The following HERC3 variants were observed in gnomAD, a reference collection of about 807,000 sequenced individuals.
HERC3 encodes the protein HECT and RLD domain containing E3 ubiquitin protein ligase 3, also known as probable E3 ubiquitin-protein ligase HERC3.
A neutral mutation model predicts 129.9 loss-of-function variants in HERC3; 58 were observed. The observed-to-expected ratio is 0.45, with a 90% CI of 0.36 to 0.56. HERC3 has a LOEUF of 0.56. HERC3 is among the 20% of genes least tolerant of loss of function. The probability of loss-of-function intolerance (pLI) is 0.00; values close to 1 mark genes in which losing one functional copy is unlikely to be tolerated. For missense variants in HERC3, 835 were observed against 1,244.2 expected (o/e 0.67, Z 4.95); for synonymous variants, 430 against 451.0 (o/e 0.95, Z 0.59).
intron 3 of HERC3, among the ~76,000 whole-genome samples, chr4:88,628,055 T>C (rs1726326040): frequency 6.6e-6 from 1 of 152,180 alleles, no homozygotes; most frequent in Non-Finnish European, 1.5e-5. Flanking sequence ...TAAATGTCAA[T>C]TAGTTGAAGT....
the HERC3 span, among the ~76,000 whole-genome samples, chr4:88,543,831 A>G: frequency 2.1e-4 from 32 of 152,342 alleles, no homozygotes; most frequent in African/African-American, 6.7e-4. Context: ...AGGATTCCCT[A>G]TTTAATAAAT....
intron 23 of HERC3, chr4:88,696,898 C>G (rs541327818): frequency 9.8e-6 from 3 of 307,288 alleles, no homozygotes; most frequent in Non-Finnish European, 1.2e-5. Context: ...TTCTTTACTT[C>G]GCATCTGCTA....
chr4:88,631,310 C>A (rs973951799), intron 3 of HERC3, among the ~76,000 whole-genome samples: 1 of 152,012 alleles, frequency 6.6e-6, no homozygotes, highest in Non-Finnish European at 1.5e-5. Flanking sequence ...CAAAAATTAG[C>A]CAGGCGTTGT....
At chr4:88,610,295 A>G (rs1227609058) in intron 3 of HERC3, among the ~76,000 whole-genome samples, 1 of 152,032 alleles carries the variant, frequency 6.6e-6, no homozygotes, top group Non-Finnish European at 1.5e-5. Flanking sequence ...TGTACTAAAA[A>G]TACAAAAATT....
chr4:88,653,311 T>C (rs1729495746), intron 6 of HERC3, among the ~76,000 whole-genome samples: 1 of 152,224 alleles, frequency 6.6e-6, no homozygotes, highest in South Asian at 2.1e-4. Flanking sequence ...CTTCCTGCTT[T>C]ACATAAGGTG....
At chr4:88,629,870 A>G (rs1354141695) in intron 3 of HERC3, among the ~76,000 whole-genome samples, 1 of 152,142 alleles carries the variant, frequency 6.6e-6, no homozygotes, top group Non-Finnish European at 1.5e-5. Context: ...TGGAGTGGTG[A>G]GTATTTGTTG....
intron 12 of HERC3, among the ~76,000 whole-genome samples, chr4:88,664,463 T>G (rs1297038475): frequency 6.6e-6 from 1 of 152,240 alleles, no homozygotes; most frequent in Non-Finnish European, 1.5e-5. Context: ...ACTTTTCTTC[T>G]CTTTGATGGT....
the HERC3 span, among the ~76,000 whole-genome samples, chr4:88,579,174 G>A: frequency 6.6e-6 from 1 of 151,250 alleles, no homozygotes; most frequent in Non-Finnish European, 1.5e-5. Context: ...CTGAGGTCAG[G>A]AGTTCGAGAC....
At chr4:88,592,951 G>C (rs1721885710) in intron 1 of HERC3, among the ~76,000 whole-genome samples, 1 of 152,148 alleles carries the variant, frequency 6.6e-6, no homozygotes, top group Non-Finnish European at 1.5e-5. Flanking sequence ...AAAGTCAAAA[G>C]GAGGATAGTC....
chr4:88,680,371 T>A (rs1732637006), intron 20 of HERC3, 135 bp downstream of exon 20: 1 of 609,610 alleles, frequency 1.6e-6, no homozygotes, highest in Non-Finnish European at 2.6e-6. Context: ...TATAAGTAAT[T>A]AAAATGTTTA....
At chr4:88,564,144 TG>T in the HERC3 span, among the ~76,000 whole-genome samples, 1 of 152,236 alleles carries the variant, frequency 6.6e-6, no homozygotes, top group Non-Finnish European at 1.5e-5. Context: ...AAATCCTATT[TG>T]GTCTTAATGA....
At chr4:88,572,805 C>CCTAA in the HERC3 span, among the ~76,000 whole-genome samples, 2 of 139,884 alleles carry the variant, frequency 1.4e-5, no homozygotes, top group African/African-American at 5.2e-5. Flanking sequence ...AAGACTGTCT[C>CCTAA]AAAAAAAAAA....
intron 2 of HERC3, among the ~76,000 whole-genome samples, chr4:88,604,053 T>C (rs1195613063): frequency 1.3e-5 from 2 of 152,022 alleles, no homozygotes; most frequent in Non-Finnish European, 2.9e-5. Context: ...TGAATTTTGC[T>C]CTTATTGCCC....
the HERC3 span, among the ~76,000 whole-genome samples, chr4:88,535,871 A>C: frequency 6.6e-6 from 1 of 152,256 alleles, no homozygotes; most frequent in Non-Finnish European, 1.5e-5. Flanking sequence ...TCTCTTACAG[A>C]AATATTACAG....
the HERC3 span, among the ~76,000 whole-genome samples, chr4:88,534,039 T>C: frequency 6.6e-6 from 1 of 152,226 alleles, no homozygotes; most frequent in African/African-American, 2.4e-5. Flanking sequence ...ATCCATATCA[T>C]CTGACAGTGC....
At chr4:88,598,128 A>G (rs1005872893) in intron 2 of HERC3, 44 of 152,158 alleles carry the variant, frequency 2.9e-4, no homozygotes, top group African/African-American at 1.1e-3. Context: ...GCTTATCCCT[A>G]TTTTAAATGA....
At chr4:88,656,131 G>A in intron 9 of HERC3, 96 bp downstream of exon 9, 3 of 1,202,420 alleles carry the variant, frequency 2.5e-6, no homozygotes, top group South Asian at 2.9e-5. Context: ...AGGTCTTTTG[G>A]AGGGAATGAA....
Position 88,677,959 on chromosome 4 carries a change from T to G in HERC3, c.2026-5T>G. On this transcript the variant is annotated splice_polypyrimidine_tract_variant and splice_region_variant and intron_variant, in intron 18 of 25. Coordinates refer to ENST00000402738, the MANE Select transcript of HERC3 (RefSeq NM_014606.3). ...GTAATTGCTTTCTTGACTGTGCCAT[T>G]CCAGGTGGCAGTCAATGGAGCCAAC... 1 of 1,610,632 alleles carries G rather than the reference T, an allele frequency of 6.2e-7. No homozygotes were observed. The highest frequency in any genetic ancestry group is 8.5e-7 in the Non-Finnish European group (1 of 1,179,870).
At chr4:88,552,203 G>C in the HERC3 span, among the ~76,000 whole-genome samples, 1 of 151,560 alleles carries the variant, frequency 6.6e-6, no homozygotes, top group Non-Finnish European at 1.5e-5. Flanking sequence ...GTTAATGGGT[G>C]CAGCACACCA....
Sources: allele counts gnomAD v4.1 joint callset (sites outside exome capture counted in the v4.1 genomes callset), GRCh38; gene constraint gnomAD v4.1.1; transcripts MANE v1.5; gene names NCBI Gene and HGNC (gene_info 2026-07-23, HGNC 2026-07-21).